PDE1A: variants seen among roughly 807,000 people sequenced by gnomAD.
PDE1A encodes dual specificity calcium/calmodulin-dependent 3',5'-cyclic nucleotide phosphodiesterase 1A.
Under a neutral mutation model 61.7 loss-of-function variants are expected in PDE1A, and 35 were observed. That is an observed-to-expected ratio of 0.57 (90% confidence interval 0.43 to 0.75). The LOEUF is 0.75. Ranked by LOEUF, PDE1A falls within the 30% of genes least tolerant of loss-of-function variation. The pLI, the probability that PDE1A is intolerant of heterozygous loss-of-function variation, is 0.00. For missense variants in PDE1A, 597 were observed against 630.6 expected, an observed-to-expected ratio of 0.95 and a Z score of 0.57; for synonymous variants, 232 against 213.2, an observed-to-expected ratio of 1.09 and a Z score of -0.77.
the PDE1A span, among the ~76,000 whole-genome samples, chr2:182,658,821 C>T: frequency 0.66 from 100,663 of 152,030 alleles, 33,587 homozygotes; most frequent in Middle Eastern, 0.74. Context: ...CCAGAAGTTT[C>T]TCTTTGTATG....
chr2:182,469,828 A>T (rs1686913946), intron 2 of PDE1A, among the ~76,000 whole-genome samples: 1 of 151,824 alleles, frequency 6.6e-6, no homozygotes, highest in African/African-American at 2.4e-5. Context: ...AATTGGTCTA[A>T]TTTCAATATT....
intron 2 of PDE1A, among the ~76,000 whole-genome samples, chr2:182,520,931 C>T (rs1690526589): frequency 6.6e-6 from 1 of 151,938 alleles, no homozygotes; most frequent in Non-Finnish European, 1.5e-5. Context: ...AGAGAACAAC[C>T]TCACCAAAAA....
intron 10 of PDE1A, among the ~76,000 whole-genome samples, chr2:182,193,934 G>A (rs1032456939): frequency 6.6e-6 from 1 of 152,046 alleles, no homozygotes; most frequent in African/African-American, 2.4e-5. Flanking sequence ...GCTGAGAATG[G>A]ACTAAGTACA....
the PDE1A span, among the ~76,000 whole-genome samples, chr2:182,715,472 C>T: frequency 3.3e-5 from 5 of 152,182 alleles, no homozygotes; most frequent in African/African-American, 1.2e-4. Context: ...CTCCCCGAAA[C>T]TGTTACCAAT....
chr2:182,650,171 C>T, the PDE1A span, among the ~76,000 whole-genome samples: 3 of 151,966 alleles, frequency 2.0e-5, no homozygotes, highest in African/African-American at 4.8e-5. Context: ...GCTTTAGGTG[C>T]CAGGTAGATG....
At chr2:182,563,680 T>C in the PDE1A span, among the ~76,000 whole-genome samples, 1 of 152,178 alleles carries the variant, frequency 6.6e-6, no homozygotes, top group African/African-American at 2.4e-5. Flanking sequence ...ATTATTATTG[T>C]GTGGGAGTCT....
At chr2:182,542,213 A>C in the PDE1A span, among the ~76,000 whole-genome samples, 2 of 152,166 alleles carry the variant, frequency 1.3e-5, no homozygotes, top group East Asian at 3.8e-4. Flanking sequence ...ATATACTTTA[A>C]GTTAAAAATC....
intron 1 of PDE1A, among the ~76,000 whole-genome samples, chr2:182,383,592 G>A (rs534280344): frequency 6.6e-6 from 1 of 152,218 alleles, no homozygotes; most frequent in South Asian, 2.1e-4. Context: ...ACTGGAGAGA[G>A]GTAGGCAGAG....
At chr2:182,209,354 A>T (rs780183141) in intron 7 of PDE1A, among the ~76,000 whole-genome samples, 1 of 151,974 alleles carries the variant, frequency 6.6e-6, no homozygotes, top group Non-Finnish European at 1.5e-5. Context: ...CACCCCCATG[A>T]TTCAATTATC....
the PDE1A span, among the ~76,000 whole-genome samples, chr2:182,713,595 C>T: frequency 4.0e-3 from 605 of 152,334 alleles, 3 homozygotes; most frequent in African/African-American, 0.013. Context: ...CGCACCATTG[C>T]ACTCCAGCCT....
At chr2:182,487,373 C>T (rs760548454) in intron 2 of PDE1A, among the ~76,000 whole-genome samples, 1 of 152,100 alleles carries the variant, frequency 6.6e-6, no homozygotes, top group Non-Finnish European at 1.5e-5. Context: ...ATGGATTAAA[C>T]CAACACTTAC....
At chr2:182,415,533 TC>T (rs1553613499) in intron 1 of PDE1A, among the ~76,000 whole-genome samples, 1 of 152,156 alleles carries the variant, frequency 6.6e-6, no homozygotes, top group Non-Finnish European at 1.5e-5. Context: ...TCTACATCTT[TC>T]TGCTGTCTAG....
At chr2:182,373,461 C>A (rs149751426) in intron 1 of PDE1A, among the ~76,000 whole-genome samples, 23 of 152,244 alleles carry the variant, frequency 1.5e-4, no homozygotes, top group African/African-American at 5.1e-4. Context: ...AAAACTTAAT[C>A]ATTAAGTGAT....
intron 13 of PDE1A, among the ~76,000 whole-genome samples, chr2:182,154,353 C>G (rs1295590472): frequency 1.3e-5 from 2 of 152,196 alleles, no homozygotes. Context: ...AATTTTCACT[C>G]TCCTATACAT....
downstream of PDE1A, among the ~76,000 whole-genome samples, chr2:182,164,466 G>A (rs1559126588): frequency 2.6e-5 from 4 of 152,122 alleles, no homozygotes; most frequent in Admixed American, 2.6e-4. Flanking sequence ...AAAAATATTT[G>A]TGTTCCATAT....
At chr2:182,553,957 T>C in the PDE1A span, among the ~76,000 whole-genome samples, 1 of 152,234 alleles carries the variant, frequency 6.6e-6, no homozygotes, top group Admixed American at 6.5e-5. Flanking sequence ...CCTTGAGCAA[T>C]GAAGTAAAAA....
At chr2:182,218,637 C>T (rs1430791841) in intron 7 of PDE1A, among the ~76,000 whole-genome samples, 2 of 152,154 alleles carry the variant, frequency 1.3e-5, no homozygotes, top group East Asian at 3.9e-4. Context: ...GGAAGGTCCT[C>T]TCTATTCCTA....
chr2:182,261,576 T>C (rs1692221598), intron 2 of PDE1A, among the ~76,000 whole-genome samples: 2 of 152,106 alleles, frequency 1.3e-5, no homozygotes, highest in African/African-American at 2.4e-5. Context: ...AAAAAATAAA[T>C]GAATTTCTAC....
At chr2:182,613,156 A>G in the PDE1A span, among the ~76,000 whole-genome samples, 5 of 152,236 alleles carry the variant, frequency 3.3e-5, no homozygotes, top group Admixed American at 3.3e-4. Flanking sequence ...ACCATGCATG[A>G]CACTATTTTT....
Sources: allele counts gnomAD v4.1 joint callset (sites outside exome capture counted in the v4.1 genomes callset), GRCh38; gene constraint gnomAD v4.1.1; transcripts MANE v1.5; gene names NCBI Gene and HGNC (gene_info 2026-07-23, HGNC 2026-07-21).